The following TMEM232 variants were observed in gnomAD, a reference collection of about 807,000 sequenced individuals.
TMEM232 encodes the protein transmembrane protein 232.
A neutral mutation model predicts 78.8 loss-of-function variants in TMEM232; 80 were observed. The observed-to-expected ratio is 1.01, with a 90% CI of 0.85 to 1.22. The LOEUF (loss-of-function observed/expected upper bound fraction) is 1.22. Ranked by LOEUF, TMEM232 falls within the 50% of genes most tolerant of loss-of-function variation. TMEM232 has a pLI of 0.00. For missense variants in TMEM232, 881 were observed against 742.2 expected (o/e 1.19, Z -2.17); for synonymous variants, 297 against 254.3 (o/e 1.17, Z -1.60).
At chr5:110,501,348 T>A (rs1561577967) in intron 12 of TMEM232, among the ~76,000 whole-genome samples, 2 of 152,056 alleles carry the variant, frequency 1.3e-5, no homozygotes, top group Non-Finnish European at 2.9e-5. Context: ...AAAGGAATTG[T>A]AAGAGAAAAG....
intron 1 of TMEM232, among the ~76,000 whole-genome samples, chr5:110,722,527 C>T (rs541397598): frequency 6.6e-6 from 1 of 152,296 alleles, no homozygotes; most frequent in Admixed American, 6.5e-5. Flanking sequence ...CTCAGTTCCT[C>T]TTCATGTGGA....
intron 12 of TMEM232, among the ~76,000 whole-genome samples, chr5:110,508,832 C>T (rs1487332849): frequency 2.1e-5 from 3 of 140,786 alleles, no homozygotes; most frequent in South Asian, 2.1e-4. Flanking sequence ...AATGCCACTG[C>T]TAATTATATA....
chr5:110,396,087 G>A (rs1755377524), intron 3 of TMEM232, among the ~76,000 whole-genome samples: 1 of 152,120 alleles, frequency 6.6e-6, no homozygotes, highest in South Asian at 2.1e-4. Flanking sequence ...TGCATGGCTG[G>A]GGAGGCCTCA....
intron 3 of TMEM232, among the ~76,000 whole-genome samples, chr5:110,391,950 T>C (rs1448502725): frequency 6.6e-6 from 1 of 152,190 alleles, no homozygotes; most frequent in Admixed American, 6.5e-5. Flanking sequence ...TAAACTGAGC[T>C]TGGTACATGA....
chr5:110,593,202 G>A (rs1390192977), intron 10 of TMEM232, among the ~76,000 whole-genome samples: 1 of 152,130 alleles, frequency 6.6e-6, no homozygotes, highest in Non-Finnish European at 1.5e-5. Flanking sequence ...CAGTAGGTCT[G>A]CTTTGATGCC....
intron 12 of TMEM232, among the ~76,000 whole-genome samples, chr5:110,510,247 A>G (rs1330237583): frequency 1.3e-5 from 2 of 152,222 alleles, no homozygotes; most frequent in Non-Finnish European, 2.9e-5. Flanking sequence ...ACTCAAAAGC[A>G]GTACCACAAA....
chr5:110,714,757 T>C (rs1796855405), intron 1 of TMEM232, among the ~76,000 whole-genome samples: 1 of 152,206 alleles, frequency 6.6e-6, no homozygotes, highest in Admixed American at 6.6e-5. Flanking sequence ...AACATAAAAG[T>C]GATAATAATG....
intron 1 of TMEM232, among the ~76,000 whole-genome samples, chr5:110,737,196 A>T (rs1243652807): frequency 1.3e-5 from 2 of 152,202 alleles, no homozygotes; most frequent in Non-Finnish European, 2.9e-5. Flanking sequence ...TGCTTAAAAT[A>T]GTATCTGACA....
intron 1 of TMEM232, among the ~76,000 whole-genome samples, chr5:110,681,356 G>A (rs1238192286): frequency 6.6e-6 from 1 of 152,158 alleles, no homozygotes; most frequent in East Asian, 1.9e-4. Flanking sequence ...AAGGTGGGCA[G>A]GAATGCTAGG....
intron 1 of TMEM232, among the ~76,000 whole-genome samples, chr5:110,700,098 C>G (rs1240221323): frequency 6.6e-6 from 1 of 152,068 alleles, no homozygotes; most frequent in Admixed American, 6.6e-5. Context: ...CAGCTGAAGA[C>G]AGGGAGAAGG....
intron 2 of TMEM232, among the ~76,000 whole-genome samples, chr5:110,410,880 T>C (rs57193323): frequency 0.028 from 4,258 of 152,200 alleles, 217 homozygotes; most frequent in African/African-American, 0.097. Context: ...GGAGCCTATG[T>C]TCTGTCTTTA....
rs989890108 is a variant in TMEM232 at position 110,620,609 on chromosome 5, C to A, written c.769-2047G>T. On this transcript the variant is annotated intron_variant, in intron 7 of 13. Transcript: ENST00000455884. ...TCTCTCTCTCTCTCTCTCTCTCTCT[C>A]TCTCTCTCTCTCTCTCTCTCTCTCT... 1.7e-3 allele frequency among the ~76,000 whole-genome samples: 238 copies of A among 138,448 alleles called. 4 individuals carry two copies. Among genetic ancestry groups the A allele is most frequent in the African/African-American group, 6.5e-3 (225 of 34,468 alleles). The allele number at this position is 138,448 out of a possible 152,430, so 90.8% of individuals were successfully genotyped here. A position where few individuals can be genotyped will look rare whatever the true frequency, so the allele number is the denominator to read the frequency against.
At chr5:110,558,623 A>G (rs1343677546) in intron 11 of TMEM232, among the ~76,000 whole-genome samples, 1 of 152,102 alleles carries the variant, frequency 6.6e-6, no homozygotes, top group Non-Finnish European at 1.5e-5. Context: ...CCCACAGGTA[A>G]GATAGCCCTG....
At chr5:110,631,439 T>C (rs968112581) in intron 5 of TMEM232, among the ~76,000 whole-genome samples, 2 of 152,128 alleles carry the variant, frequency 1.3e-5, no homozygotes, top group African/African-American at 2.4e-5. Flanking sequence ...GAGCCAGCTA[T>C]CTGGGGCTGA....
rs1478542214 is a variant in TMEM232 at position 110,403,333 on chromosome 5, T to C, written n.309-5479A>G. ...CCAATGTGAATGGCTCTATTTACCA[T>C]CACTCTCAGCTAGATAAAACCTTCT... On this transcript the variant is annotated intron_variant and non_coding_transcript_variant, in intron 2 of 8. Transcript: ENST00000507188. Among the ~76,000 whole-genome samples the C allele has an allele frequency of 3.3e-5, 5 of 152,114 alleles. No homozygotes were observed. The East Asian group carries it at 7.7e-4, about 23-fold the overall frequency.
chr5:110,495,602 T>C (rs1039466581), intron 12 of TMEM232, among the ~76,000 whole-genome samples: 2 of 151,906 alleles, frequency 1.3e-5, no homozygotes, highest in African/African-American at 2.4e-5. Context: ...ATAAAAATTA[T>C]GATTCTCTAG....
intron 12 of TMEM232, among the ~76,000 whole-genome samples, chr5:110,490,728 G>T (rs1764993003): frequency 6.6e-6 from 1 of 151,988 alleles, no homozygotes; most frequent in Admixed American, 6.6e-5. Flanking sequence ...CAATTGAAAG[G>T]AATATAAAAT....
upstream of TMEM232, among the ~76,000 whole-genome samples, chr5:110,729,750 T>G (rs1203650783): frequency 6.6e-6 from 1 of 152,188 alleles, no homozygotes; most frequent in Admixed American, 6.5e-5. Flanking sequence ...TGCTTCTTGG[T>G]CCTCTAGAAC....
rs549983672 is a variant in TMEM232, at chr5:110,495,846, A to G, written c.1703+32742T>C. On this transcript the variant is annotated intron_variant, in intron 12 of 13. Transcript: ENST00000455884. ...TTTTTTTAATAATGATAATTCTATT[A>G]TTAAATATCAATTGAATAATACAAA... Among the ~76,000 whole-genome samples, 19 of 151,820 alleles carry G rather than the reference A, an allele frequency of 1.3e-4. No individual in the cohort carries two copies. In the East Asian group the frequency reaches 3.7e-3, roughly 29 times the overall value.
Sources: allele counts gnomAD v4.1 joint callset (sites outside exome capture counted in the v4.1 genomes callset), GRCh38; gene constraint gnomAD v4.1.1; transcripts MANE v1.5; gene names NCBI Gene and HGNC (gene_info 2026-07-23, HGNC 2026-07-21).